Variants in SMCO2 observed in about 807,000 individuals in gnomAD.
The protein encoded by SMCO2 is single-pass membrane protein with coiled-coil domains 2, also known as single-pass membrane and coiled-coil domain-containing protein 2.
Under a neutral mutation model 29.5 loss-of-function variants are expected in SMCO2, and 25 were observed. The ratio of observed to expected loss-of-function variants is 0.85; its 90% CI spans 0.62 to 1.18. SMCO2 has a LOEUF of 1.18. SMCO2 is among the 50% of genes most tolerant of loss of function. The pLI is 0.00. For synonymous variants in SMCO2, 117 were observed against 123.3 expected (o/e 0.95, Z 0.34); for missense variants, 348 against 344.5 (o/e 1.01, Z -0.08).
At chr12:27,433,875 A>G in the SMCO2 span, among the ~76,000 whole-genome samples, 1 of 152,250 alleles carries the variant, frequency 6.6e-6, no homozygotes, top group East Asian at 1.9e-4. Flanking sequence ...GTTATTAAAA[A>G]TCATACCAAC....
upstream of SMCO2, among the ~76,000 whole-genome samples, chr12:27,466,537 G>GA (rs1949499903): frequency 6.6e-6 from 1 of 152,250 alleles, no homozygotes; most frequent in Admixed American, 6.5e-5. Context: ...AGTGAGAGAC[G>GA]AAAGGAGCAG....
chr12:27,472,718 C>A, intron 2 of SMCO2, 58 bp from the exon 3 acceptor site: 1 of 1,333,956 alleles, frequency 7.5e-7, no homozygotes, highest in Non-Finnish European at 1.0e-6. Context: ...GTAGTGCAGG[C>A]CCAAGCTCTG....
At chr12:27,501,427 A>C (rs796446811) in intron 7 of SMCO2, among the ~76,000 whole-genome samples, 2 of 143,538 alleles carry the variant, frequency 1.4e-5, no homozygotes, top group Non-Finnish European at 3.0e-5. Flanking sequence ...AAAAAAAAAA[A>C]AAAAAAAAAA....
At chr12:27,452,911 C>T in the SMCO2 span, among the ~76,000 whole-genome samples, 1 of 152,284 alleles carries the variant, frequency 6.6e-6, no homozygotes, top group South Asian at 2.1e-4. Context: ...TAAGGGACCA[C>T]CTACTATGGG....
At position 27,474,919 on chromosome 12, in the gene SMCO2, T is replaced by C; in HGVS notation, c.362+6T>C. On this transcript the variant is annotated splice_donor_region_variant and intron_variant, in intron 4 of 7. Coordinates refer to ENST00000298876, the Ensembl canonical transcript of SMCO2. Reference sequence around the variant, plus strand: ...AAGAAGAACCTCCTTGAACTGTAAGTCTTGACACATGCAAGACAGAGCATT... The same window carrying C: ...AAGAAGAACCTCCTTGAACTGTAAGCCTTGACACATGCAAGACAGAGCATT... The C allele has an allele frequency of 1.3e-6, 2 of 1,550,708 alleles. No individual in the cohort carries two copies. The highest frequency in any genetic ancestry group is 1.7e-6 in the Non-Finnish European group (2 of 1,146,476).
chr12:27,424,056 T>C, the SMCO2 span: 4 of 152,256 alleles, frequency 2.6e-5, no homozygotes, highest in Admixed American at 2.6e-4. Flanking sequence ...AATGATATTT[T>C]GGATATACTG....
intron 5 of SMCO2, among the ~76,000 whole-genome samples, chr12:27,490,735 G>A (rs140987020): frequency 2.0e-5 from 3 of 152,220 alleles, no homozygotes; most frequent in Non-Finnish European, 4.4e-5. Context: ...TTTGAGACCA[G>A]CCACGGCAAC....
chr12:27,477,218 T>G (rs1246447912), intron 4 of SMCO2, among the ~76,000 whole-genome samples: 24 of 116,718 alleles, frequency 2.1e-4, no homozygotes, highest in African/African-American at 1.1e-3. Context: ...AGGTTTTTTT[T>G]TTTTTTTTTT....
chr12:27,490,851 T>C (rs1383816350), intron 5 of SMCO2, among the ~76,000 whole-genome samples: 3 of 152,078 alleles, frequency 2.0e-5, no homozygotes, highest in South Asian at 2.1e-4. Flanking sequence ...AGGATCACCT[T>C]CTGGACTCAG....
the SMCO2 span, among the ~76,000 whole-genome samples, chr12:27,431,214 G>A: frequency 8.0e-4 from 121 of 151,946 alleles, no homozygotes; most frequent in African/African-American, 2.4e-3. Context: ...ATGGGTTTTC[G>A]CCATGTTGGC....
At chr12:27,488,098 T>C (rs1428580556) in intron 4 of SMCO2, among the ~76,000 whole-genome samples, 1 of 152,214 alleles carries the variant, frequency 6.6e-6, no homozygotes, top group East Asian at 1.9e-4. Flanking sequence ...TGAGGTTCAA[T>C]TATCAATTTT....
At chr12:27,429,841 A>G in the SMCO2 span, among the ~76,000 whole-genome samples, 1 of 152,188 alleles carries the variant, frequency 6.6e-6, no homozygotes, top group Admixed American at 6.5e-5. Flanking sequence ...TGCATTCAGC[A>G]TTCTTTCCAG....
chr12:27,465,626 T>C (rs983898325), upstream of SMCO2, among the ~76,000 whole-genome samples: 19 of 152,212 alleles, frequency 1.2e-4, no homozygotes, highest in Non-Finnish European at 2.6e-4. Flanking sequence ...ATGCATTCAT[T>C]CCATTCCTTT....
chr12:27,485,813 A>AGACAT (rs1949684810), intron 4 of SMCO2, among the ~76,000 whole-genome samples: 1 of 152,228 alleles, frequency 6.6e-6, no homozygotes, highest in African/African-American at 2.4e-5. Context: ...ACTAAATGCC[A>AGACAT]GACATTGTCA....
intron 4 of SMCO2, among the ~76,000 whole-genome samples, chr12:27,485,296 G>C (rs777695470): frequency 6.6e-6 from 1 of 151,330 alleles, no homozygotes; most frequent in Admixed American, 6.6e-5. Context: ...GTTTGATCTG[G>C]GTCTTTTTTC....
At chr12:27,501,276 C>G (rs373414040) in intron 7 of SMCO2, among the ~76,000 whole-genome samples, 2 of 148,152 alleles carry the variant, frequency 1.3e-5, no homozygotes, top group Non-Finnish European at 3.0e-5. Context: ...ATTAGCCGGG[C>G]GTGGTGGTGG....
intron 1 of SMCO2, among the ~76,000 whole-genome samples, chr12:27,469,471 G>T (rs546004139): frequency 6.6e-6 from 1 of 152,052 alleles, no homozygotes; most frequent in Non-Finnish European, 1.5e-5. Context: ...GATTCCCAGG[G>T]CCTCCCTTCT....
chr12:27,450,441 C>T, the SMCO2 span, among the ~76,000 whole-genome samples: 1 of 152,240 alleles, frequency 6.6e-6, no homozygotes, highest in Non-Finnish European at 1.5e-5. Context: ...GGCTTCTTCT[C>T]ACCTAGTTTG....
chr12:27,496,133 A>G (rs941712570), intron 7 of SMCO2, among the ~76,000 whole-genome samples: 2 of 150,360 alleles, frequency 1.3e-5, no homozygotes, highest in Non-Finnish European at 2.9e-5. Flanking sequence ...AAATATAGAT[A>G]GATATATCTT....
Sources: allele counts gnomAD v4.1 joint callset (sites outside exome capture counted in the v4.1 genomes callset), GRCh38; gene constraint gnomAD v4.1.1; transcripts MANE v1.5; gene names NCBI Gene and HGNC (gene_info 2026-07-23, HGNC 2026-07-21).